BTBD10: variants seen among roughly 807,000 people sequenced by gnomAD.
The protein encoded by BTBD10 is BTB/POZ domain-containing protein 10.
A neutral mutation model predicts 53.2 loss-of-function variants in BTBD10; 21 were observed. The ratio of observed to expected loss-of-function variants is 0.39; its 90% CI spans 0.28 to 0.57. The LOEUF is 0.57. Ranked by LOEUF, BTBD10 falls within the 20% of genes least tolerant of loss-of-function variation. The pLI is 0.53. For synonymous variants in BTBD10, 149 were observed against 192.7 expected (o/e 0.77, Z 1.88); for missense variants, 360 against 594.7 (o/e 0.61, Z 4.10).
chr11:13,451,099 G>C (rs1401986038), intron 1 of BTBD10, among the ~76,000 whole-genome samples: 1 of 152,152 alleles, frequency 6.6e-6, no homozygotes, highest in Non-Finnish European at 1.5e-5. Flanking sequence ...ACAAAGAAAA[G>C]TGCAGGCCCA....
intron 1 of BTBD10, among the ~76,000 whole-genome samples, chr11:13,451,878 C>T (rs546761729): frequency 2.0e-5 from 3 of 152,170 alleles, no homozygotes; most frequent in African/African-American, 7.2e-5. Context: ...ACTGTCTTGA[C>T]GACTGACACA....
At chr11:13,392,202 G>A (rs915952222) in intron 8 of BTBD10, among the ~76,000 whole-genome samples, 9 of 152,320 alleles carry the variant, frequency 5.9e-5, no homozygotes, top group South Asian at 2.1e-4. Flanking sequence ...TAGTGGAAGC[G>A]TAAAGAATTC....
chr11:13,420,602 C>G (rs1189065230), intron 3 of BTBD10, among the ~76,000 whole-genome samples: 1 of 151,996 alleles, frequency 6.6e-6, no homozygotes, highest in African/African-American at 2.4e-5. Context: ...GTACCTCCAT[C>G]TCATCACTTT....
At chr11:13,429,446 T>C (rs887075533) in intron 2 of BTBD10, among the ~76,000 whole-genome samples, 10 of 152,136 alleles carry the variant, frequency 6.6e-5, no homozygotes, top group Admixed American at 1.3e-4. Context: ...GACAGGCACA[T>C]AGATCAATGA....
chr11:13,442,410 AAT>A (rs1483803269), intron 2 of BTBD10, among the ~76,000 whole-genome samples: 12 of 152,304 alleles, frequency 7.9e-5, no homozygotes, highest in African/African-American at 2.6e-4. Context: ...CTTGTTTATA[AAT>A]CCCAGCTCTG....
intron 5 of BTBD10, among the ~76,000 whole-genome samples, chr11:13,416,920 G>A (rs1001521735): frequency 1.3e-4 from 20 of 152,148 alleles, no homozygotes; most frequent in Admixed American, 3.3e-4. Flanking sequence ...GGGAGGTTGA[G>A]GCTGCAGTGA....
At chr11:13,400,308 C>T (rs1949681875) in intron 8 of BTBD10, among the ~76,000 whole-genome samples, 6 of 152,144 alleles carry the variant, frequency 3.9e-5, no homozygotes, top group Admixed American at 3.9e-4. Context: ...GCTGTGCTAG[C>T]AATGAGCAAG....
chr11:13,405,985 A>G, intron 6 of BTBD10, 129 bp from the exon 7 acceptor site: 1 of 798,244 alleles, frequency 1.3e-6, no homozygotes, highest in Non-Finnish European at 2.0e-6. Flanking sequence ...ACATCATGAA[A>G]TAACTTGCCT....
At chr11:13,407,321 G>C (rs1255040599) in intron 6 of BTBD10, among the ~76,000 whole-genome samples, 1 of 152,016 alleles carries the variant, frequency 6.6e-6, no homozygotes, top group Non-Finnish European at 1.5e-5. Context: ...TTCTGTATTC[G>C]AGATGCATTA....
intron 1 of BTBD10, among the ~76,000 whole-genome samples, chr11:13,448,794 A>T (rs1950796413): frequency 6.6e-6 from 1 of 152,182 alleles, no homozygotes; most frequent in Non-Finnish European, 1.5e-5. Flanking sequence ...CTTACTATAA[A>T]AAGGTCCTTC....
At chr11:13,444,841 T>C (rs1472654477) in intron 2 of BTBD10, among the ~76,000 whole-genome samples, 183 bp downstream of exon 2, 2 of 152,024 alleles carry the variant, frequency 1.3e-5, no homozygotes, top group Non-Finnish European at 2.9e-5. Context: ...CAAATACAAA[T>C]ATTAAAAAAT....
chr11:13,431,569 A>G (rs574961069), intron 2 of BTBD10, among the ~76,000 whole-genome samples: 57 of 152,310 alleles, frequency 3.7e-4, no homozygotes, highest in Non-Finnish European at 7.1e-4. Context: ...TTGTTTCAAA[A>G]TCATGCTTTG....
intron 3 of BTBD10, among the ~76,000 whole-genome samples, chr11:13,420,859 C>T (rs1025095692): frequency 4.6e-5 from 7 of 152,162 alleles, no homozygotes; most frequent in African/African-American, 1.7e-4. Flanking sequence ...AAACTGTCAA[C>T]TCTAATTTAT....
intron 1 of BTBD10, among the ~76,000 whole-genome samples, chr11:13,461,318 A>G (rs886494200): frequency 6.6e-6 from 1 of 152,220 alleles, no homozygotes; most frequent in Non-Finnish European, 1.5e-5. Context: ...GCAAAAATCT[A>G]GATTTCCGAG....
At chr11:13,457,911 T>A (rs763813160) in intron 1 of BTBD10, among the ~76,000 whole-genome samples, 2 of 152,168 alleles carry the variant, frequency 1.3e-5, no homozygotes, top group South Asian at 4.1e-4. Context: ...TTGCATGTAA[T>A]ACCCATTACT....
At chr11:13,414,534 G>A (rs1263685792) in intron 5 of BTBD10, among the ~76,000 whole-genome samples, 3 of 151,928 alleles carry the variant, frequency 2.0e-5, no homozygotes, top group African/African-American at 7.3e-5. Context: ...GGCACCTGTA[G>A]TCCCAGCTAC....
intron 1 of BTBD10, among the ~76,000 whole-genome samples, chr11:13,458,804 T>C (rs994171198): frequency 2.6e-5 from 4 of 152,176 alleles, no homozygotes; most frequent in Non-Finnish European, 4.4e-5. Context: ...AAATTCTAAA[T>C]GAACAAATGA....
At chr11:13,429,495 T>C (rs1950408319) in intron 2 of BTBD10, among the ~76,000 whole-genome samples, 1 of 151,882 alleles carries the variant, frequency 6.6e-6, no homozygotes, top group African/African-American at 2.4e-5. Flanking sequence ...CACATACATA[T>C]ATATGGACAA....
chr11:13,433,456 A>C (rs1379717179), intron 2 of BTBD10, among the ~76,000 whole-genome samples: 2 of 152,310 alleles, frequency 1.3e-5, no homozygotes, highest in East Asian at 1.9e-4. Flanking sequence ...AGAAAAAATT[A>C]GCTGATTTTT....
Sources: allele counts gnomAD v4.1 joint callset (sites outside exome capture counted in the v4.1 genomes callset), GRCh38; gene constraint gnomAD v4.1.1; transcripts MANE v1.5; gene names NCBI Gene and HGNC (gene_info 2026-07-23, HGNC 2026-07-21).